The following ABHD12 variants were observed in gnomAD, a reference collection of about 807,000 sequenced individuals.
ABHD12 encodes the protein abhydrolase domain containing 12, lysophospholipase.
Under a neutral mutation model 58.3 loss-of-function variants are expected in ABHD12, and 43 were observed. The observed-to-expected ratio is 0.74, with a 90% CI of 0.58 to 0.95. The LOEUF is 0.95. ABHD12 is among the 40% of genes least tolerant of loss of function. The probability of loss-of-function intolerance (pLI) is 0.00; values close to 1 mark genes in which losing one functional copy is unlikely to be tolerated. For synonymous variants in ABHD12, 219 were observed against 211.2 expected (o/e 1.04, Z -0.32); for missense variants, 539 against 537.2 (o/e 1.00, Z -0.03).
At chr20:25,311,491 G>T (rs942083746) in intron 6 of ABHD12, among the ~76,000 whole-genome samples, 17 of 152,210 alleles carry the variant, frequency 1.1e-4, no homozygotes, top group African/African-American at 2.9e-4. Context: ...CATGTGTGCT[G>T]GTTTAAAGCA....
At chr20:25,334,617 A>G (rs1250005292) in intron 2 of ABHD12, among the ~76,000 whole-genome samples, 1 of 151,914 alleles carries the variant, frequency 6.6e-6, no homozygotes, top group Admixed American at 6.6e-5. Context: ...ATATAGATCA[A>G]TGGAACAGAA....
At chr20:25,388,219 GGAAGGATCCAAA>G (rs1288637757) in intron 1 of ABHD12, among the ~76,000 whole-genome samples, 1 of 152,086 alleles carries the variant, frequency 6.6e-6, no homozygotes, top group Admixed American at 6.6e-5. Context: ...AAAAATGTGC[GGAAGGATCCAAA>G]GAAGGATCAT....
downstream of ABHD12, chr20:25,297,839 T>C (rs199976602): frequency 2.8e-5 from 4 of 143,680 alleles, no homozygotes; most frequent in African/African-American, 1.0e-4. Context: ...GTGGGGCAAG[T>C]GCTGGGCTGT....
chr20:25,295,847 T>C (rs2088533979), downstream of ABHD12, among the ~76,000 whole-genome samples: 1 of 152,208 alleles, frequency 6.6e-6, no homozygotes, highest in Admixed American at 6.5e-5. Context: ...TCACTGTCAA[T>C]GTCACTCCCT....
chr20:25,351,227 T>C (rs1308299956), intron 1 of ABHD12, among the ~76,000 whole-genome samples: 3 of 152,208 alleles, frequency 2.0e-5, no homozygotes, highest in African/African-American at 7.2e-5. Context: ...TTCTCCAATA[T>C]GATGGATTCC....
At chr20:25,302,796 C>A (rs1371874006) in intron 11 of ABHD12, among the ~76,000 whole-genome samples, 3 of 152,212 alleles carry the variant, frequency 2.0e-5, no homozygotes, top group Non-Finnish European at 4.4e-5. Context: ...GGCGGCTCTG[C>A]ATTCTGCCCC....
chr20:25,333,501 C>G (rs966740242), intron 2 of ABHD12, among the ~76,000 whole-genome samples: 1 of 148,122 alleles, frequency 6.8e-6, no homozygotes, highest in African/African-American at 2.5e-5. Context: ...AGAGACACAA[C>G]CAAAAAAGAG....
chr20:25,311,914 C>T (rs939229690), intron 6 of ABHD12, among the ~76,000 whole-genome samples: 2 of 151,976 alleles, frequency 1.3e-5, no homozygotes, highest in African/African-American at 4.8e-5. Context: ...TGCCACGCTG[C>T]CCAGGCTTAT....
rs149851309 is a variant in ABHD12, at chr20:25,387,227, C to T, written c.191+3286G>A. Among the ~76,000 whole-genome samples, 207 of 152,196 alleles carry T rather than the reference C, an allele frequency of 1.4e-3. 1 individual carries two copies. The highest frequency in any genetic ancestry group is 4.7e-3 in the African/African-American group (195 of 41,532). On this transcript the variant is annotated intron_variant, in intron 1 of 12. Transcript: ENST00000339157. ...ATGAAACAAGTTACTCAGTGTCATC[C>T]CTATTATTTAACTTTGTTCTAGAAA...
intron 1 of ABHD12, among the ~76,000 whole-genome samples, chr20:25,370,573 G>A (rs2146107058): frequency 6.6e-6 from 1 of 152,296 alleles, no homozygotes; most frequent in Non-Finnish European, 1.5e-5. Flanking sequence ...ATGTATAAGA[G>A]AGACAGCCCT....
At chr20:25,380,770 G>A (rs1234135077) in intron 1 of ABHD12, among the ~76,000 whole-genome samples, 1 of 152,100 alleles carries the variant, frequency 6.6e-6, no homozygotes, top group African/African-American at 2.4e-5. Flanking sequence ...AGAGTCTGCT[G>A]CAAGGGTCTA....
intron 1 of ABHD12, among the ~76,000 whole-genome samples, chr20:25,370,785 CG>C (rs1303976667): frequency 1.3e-5 from 2 of 151,916 alleles, no homozygotes; most frequent in Non-Finnish European, 2.9e-5. Flanking sequence ...CTTAAGGAAA[CG>C]GTATCTGGTA....
intron 6 of ABHD12, among the ~76,000 whole-genome samples, chr20:25,311,312 G>C (rs1159602065): frequency 1.3e-5 from 2 of 152,188 alleles, no homozygotes; most frequent in Non-Finnish European, 2.9e-5. Flanking sequence ...AGGAGTCAGG[G>C]TCAGAGCCAG....
chr20:25,315,152 G>C (rs1243875034), intron 5 of ABHD12, among the ~76,000 whole-genome samples, 182 bp from the exon 6 acceptor site: 1 of 152,184 alleles, frequency 6.6e-6, no homozygotes, highest in South Asian at 2.1e-4. Flanking sequence ...GATGCCAACT[G>C]CCACTGCAGG....
chr20:25,385,544 G>A (rs1287471840), intron 1 of ABHD12, among the ~76,000 whole-genome samples: 2 of 152,022 alleles, frequency 1.3e-5, no homozygotes, highest in African/African-American at 2.4e-5. Context: ...TTACCGAAGT[G>A]CTATATTCTG....
intron 6 of ABHD12, among the ~76,000 whole-genome samples, chr20:25,311,424 T>C (rs751545365): frequency 6.6e-6 from 1 of 152,226 alleles, no homozygotes; most frequent in African/African-American, 2.4e-5. Context: ...CCCACCCTGA[T>C]TCCAGCCTGG....
chr20:25,338,896 A>C, intron 2 of ABHD12: 1 of 1,148,006 alleles, frequency 8.7e-7, no homozygotes, highest in Non-Finnish European at 1.1e-6. Context: ...TCAGCTGAAG[A>C]CAGATACGCT....
downstream of ABHD12, chr20:25,296,391 A>G (rs755933225): frequency 5.6e-6 from 9 of 1,613,960 alleles, no homozygotes; most frequent in Non-Finnish European, 7.6e-6. Flanking sequence ...GTGGACCAAG[A>G]AGGTCATCAG....
rs890984376 is a variant in ABHD12, at chr20:25,336,121, A to C, written c.316+3106T>G. ...CTGGGAAGATATTCTAGGCTTCATA[A>C]ATGCTGAGTCTCATCCAAACATCTT... On this transcript the variant is annotated intron_variant, in intron 2 of 12. Coordinates refer to ENST00000339157, the MANE Select transcript of ABHD12 (RefSeq NM_001042472.3). Among the ~76,000 whole-genome samples, 3 of 152,198 alleles carry C rather than the reference A, an allele frequency of 2.0e-5. No individual in the cohort carries two copies. In the South Asian group the frequency reaches 6.2e-4, roughly 31 times the overall value.
Sources: allele counts gnomAD v4.1 joint callset (sites outside exome capture counted in the v4.1 genomes callset), GRCh38; gene constraint gnomAD v4.1.1; transcripts MANE v1.5; gene names NCBI Gene and HGNC (gene_info 2026-07-23, HGNC 2026-07-21).